Variants in DIP2C observed in about 807,000 individuals in gnomAD.
DIP2C encodes the protein disco-interacting protein 2 homolog C.
A neutral mutation model predicts 192.4 loss-of-function variants in DIP2C; 33 were observed. The observed-to-expected ratio is 0.17, with a 90% CI of 0.13 to 0.23. The LOEUF is 0.23. Among genes scored for constraint, DIP2C ranks in the 10% least tolerant of loss-of-function variants. The pLI is 1.00. For missense variants in DIP2C, 1,537 were observed against 2,110.1 expected, an observed-to-expected ratio of 0.73 and a Z score of 5.32; for synonymous variants, 979 against 864.1, an observed-to-expected ratio of 1.13 and a Z score of -2.33.
intron 23 of DIP2C, among the ~76,000 whole-genome samples, chr10:356,928 C>G (rs1959109158): frequency 6.6e-6 from 1 of 151,968 alleles, no homozygotes; most frequent in South Asian, 2.1e-4. Flanking sequence ...AGAATCAGAT[C>G]TATCTGGTTT....
chr10:576,117 A>G (rs527330762), intron 1 of DIP2C, among the ~76,000 whole-genome samples: 1 of 152,348 alleles, frequency 6.6e-6, no homozygotes, highest in African/African-American at 2.4e-5. Context: ...TTTGCTGACC[A>G]AGAATCTAAC....
At position 662,166 on chromosome 10, in the gene DIP2C, T is replaced by C. The variant is rs555976038; in HGVS notation, c.85+27328A>G. On this transcript the variant is annotated intron_variant, in intron 1 of 36. Coordinates refer to ENST00000280886, the MANE Select transcript of DIP2C (RefSeq NM_014974.3). Reference sequence around the variant, plus strand: ...CCCAATCTAACTTTCTGCCCTCAGATAGGCACATGCATATTTTATCTATAC... The same window carrying C: ...CCCAATCTAACTTTCTGCCCTCAGACAGGCACATGCATATTTTATCTATAC... The C allele has an allele frequency of 1.4e-3, 1,011 of 715,802 alleles. 14 individuals carry two copies. The highest frequency in any genetic ancestry group is 0.011 in the South Asian group (741 of 67,368). 44.3% of individuals were successfully genotyped at this position (715,802 alleles called of 1,614,324 possible).
intron 1 of DIP2C, among the ~76,000 whole-genome samples, chr10:513,198 T>C (rs1193935136): frequency 6.6e-6 from 1 of 151,812 alleles, no homozygotes; most frequent in Non-Finnish European, 1.5e-5. Context: ...CCTAAATTAT[T>C]ACATGTTTAG....
At chr10:368,646 G>A (rs1293345446) in intron 18 of DIP2C, among the ~76,000 whole-genome samples, 1 of 152,228 alleles carries the variant, frequency 6.6e-6, no homozygotes, top group Non-Finnish European at 1.5e-5. Flanking sequence ...GTCTGCCTCT[G>A]TGAGACTCCA....
intron 3 of DIP2C, among the ~76,000 whole-genome samples, chr10:461,003 G>A (rs1223175045): frequency 6.6e-6 from 1 of 152,164 alleles, no homozygotes; most frequent in Non-Finnish European, 1.5e-5. Flanking sequence ...CAGATGCTGA[G>A]AGATTCTGTC....
chr10:341,090 G>A, intron 29 of DIP2C, 109 bp downstream of exon 29: 2 of 1,485,048 alleles, frequency 1.3e-6, no homozygotes, highest in Non-Finnish European at 1.9e-6. Context: ...GCCTCCTCTG[G>A]CAGGAGTGGG....
At chr10:527,867 G>A (rs975460203) in intron 1 of DIP2C, among the ~76,000 whole-genome samples, 1 of 152,198 alleles carries the variant, frequency 6.6e-6, no homozygotes, top group African/African-American at 2.4e-5. Context: ...CAGCTGCGGT[G>A]AGTGCAGCCA....
intron 32 of DIP2C, among the ~76,000 whole-genome samples, chr10:304,689 CCA>C (rs1482527814): frequency 1.5e-4 from 8 of 54,212 alleles, no homozygotes; most frequent in South Asian, 5.3e-4. Flanking sequence ...CTCACATAGC[CCA>C]CACACTAGCA....
rs1347970687 is a variant in DIP2C at position 354,897 on chromosome 10, T to C, written c.2985+1529A>G. 3.3e-5 allele frequency among the ~76,000 whole-genome samples: 5 copies of C among 151,586 alleles called. 1 individual carries two copies. The highest frequency in any genetic ancestry group is 1.2e-4 in the African/African-American group (5 of 41,296). On this transcript the variant is annotated intron_variant, in intron 24 of 36. Coordinates refer to ENST00000280886, the MANE Select transcript of DIP2C (RefSeq NM_014974.3). ...AGGCAGTTTACAGGAGAAACACTAC[T>C]GGGAGAGGACAAAGTCAGACAAGCA... is the stretch of plus-strand genomic sequence containing the variant.
At chr10:325,421 ACT>A (rs1301379688) in intron 31 of DIP2C, among the ~76,000 whole-genome samples, 2 of 152,288 alleles carry the variant, frequency 1.3e-5, no homozygotes, top group South Asian at 2.1e-4. Flanking sequence ...GCGACGGGTT[ACT>A]CTCTGCTCTC....
chr10:413,371 T>A (rs1267684518), intron 8 of DIP2C, among the ~76,000 whole-genome samples: 3 of 152,244 alleles, frequency 2.0e-5, no homozygotes, highest in African/African-American at 7.2e-5. Context: ...GAGTGATACA[T>A]ACCAGAAAGT....
chr10:323,668 G>A (rs1284144816), intron 31 of DIP2C, among the ~76,000 whole-genome samples: 1 of 152,106 alleles, frequency 6.6e-6, no homozygotes, highest in East Asian at 1.9e-4. Context: ...GGGTAGATGG[G>A]TTTATGACTG....
At chr10:396,801 C>A (rs983925485) in intron 10 of DIP2C, among the ~76,000 whole-genome samples, 1 of 140,080 alleles carries the variant, frequency 7.1e-6, no homozygotes, top group Non-Finnish European at 1.5e-5. Flanking sequence ...CTGATGCACA[C>A]GTGGAGTGCT....
At chr10:609,014 T>TAA (rs887807530) in intron 1 of DIP2C, among the ~76,000 whole-genome samples, 6 of 151,978 alleles carry the variant, frequency 3.9e-5, no homozygotes, top group African/African-American at 7.3e-5. Context: ...GAAAACCCTA[T>TAA]AAGCATGATT....
chr10:381,845 T>A (rs1962402514), intron 17 of DIP2C, among the ~76,000 whole-genome samples: 1 of 152,196 alleles, frequency 6.6e-6, no homozygotes, highest in Non-Finnish European at 1.5e-5. Context: ...GCCGTGGACA[T>A]GCTGCCCCAA....
intron 22 of DIP2C, among the ~76,000 whole-genome samples, chr10:360,781 C>A (rs1238134179): frequency 6.6e-6 from 1 of 152,178 alleles, no homozygotes; most frequent in African/African-American, 2.4e-5. Context: ...GTACACAGTG[C>A]CATTAACTGA....
At chr10:549,466 G>T (rs1443219934) in intron 1 of DIP2C, among the ~76,000 whole-genome samples, 1 of 152,176 alleles carries the variant, frequency 6.6e-6, no homozygotes, top group Non-Finnish European at 1.5e-5. Context: ...TGAGAAGGAA[G>T]ACGAGACCAA....
chr10:587,374 G>C (rs1407333686), intron 1 of DIP2C, among the ~76,000 whole-genome samples: 1 of 152,228 alleles, frequency 6.6e-6, no homozygotes, highest in Non-Finnish European at 1.5e-5. Flanking sequence ...CACCTCGTGG[G>C]ATGACGGGAT....
intron 14 of DIP2C, among the ~76,000 whole-genome samples, chr10:385,013 T>G (rs1310826448): frequency 6.9e-6 from 1 of 145,884 alleles, no homozygotes; most frequent in Non-Finnish European, 1.5e-5. Flanking sequence ...GAGCAGCAGG[T>G]CTCAGAGAGT....
Sources: gnomAD v4.1 joint callset for allele counts (sites outside exome capture counted in the v4.1 genomes callset) on GRCh38, gnomAD v4.1.1 for gene constraint, MANE v1.5 for transcripts, NCBI Gene and HGNC (gene_info 2026-07-23, HGNC 2026-07-21) for gene names.